Variants in CHURC1 observed in about 807,000 individuals in gnomAD.
CHURC1 encodes churchill domain containing 1.
A neutral mutation model predicts 15.4 loss-of-function variants in CHURC1; 12 were observed. That is an observed-to-expected ratio of 0.78 (90% CI 0.50 to 1.27). The LOEUF is 1.27. Ranked by LOEUF, CHURC1 falls within the 50% of genes most tolerant of loss-of-function variation. CHURC1 has a pLI of 0.00. For synonymous variants in CHURC1, 42 were observed against 47.5 expected (o/e 0.88, Z 0.48); for missense variants, 132 against 137.8 (o/e 0.96, Z 0.21).
At position 64,914,484 on chromosome 14, in the gene CHURC1, G is replaced by A. The variant is rs1050500315; in HGVS notation, c.-12G>A. On this transcript the variant is annotated 5_prime_UTR_variant, in exon 1 of 4. Coordinates refer to ENST00000549115, the MANE Select transcript of CHURC1 (RefSeq NM_001386928.1). Reference sequence around the variant, plus strand: ...GAAGCGTTGGAGGACATTCCCTGTTGACTGCGTCGCGATGTGTGGCGACTG... The same window carrying A: ...GAAGCGTTGGAGGACATTCCCTGTTAACTGCGTCGCGATGTGTGGCGACTG... 1.2e-6 allele frequency: 2 copies of A among 1,614,158 alleles called. No individual in the cohort carries two copies. Among genetic ancestry groups the A allele is most frequent in the African/African-American group, 1.3e-5 (1 of 74,954 alleles).
chr14:64,932,394 T>C lies in CHURC1; in HGVS notation c.*164T>C. 7.2e-7 allele frequency: 1 copy of C among 1,380,360 alleles called. No individual in the cohort carries two copies. The highest frequency in any genetic ancestry group is 1.8e-5 in the South Asian group (1 of 56,988). 85.5% of individuals were successfully genotyped at this position (1,380,360 alleles called of 1,614,324 possible). Reference sequence around the variant, plus strand: ...AAAAGGTAATGTAGGAGCTCATTGTTCTCTAGAGCTGAGCTCTTCTGCTAA... The same window carrying C: ...AAAAGGTAATGTAGGAGCTCATTGTCCTCTAGAGCTGAGCTCTTCTGCTAA... On this transcript the variant is annotated 3_prime_UTR_variant, in exon 4 of 4. Coordinates refer to ENST00000549115, the MANE Select transcript of CHURC1 (RefSeq NM_001386928.1).
At chr14:64,919,722 A>G (rs760828093) in intron 1 of CHURC1, among the ~76,000 whole-genome samples, 12 of 152,004 alleles carry the variant, frequency 7.9e-5, no homozygotes, top group Non-Finnish European at 1.5e-4. Flanking sequence ...GTTTCTACCA[A>G]ACAATGCAAA....
In CHURC1 at chr14:64,925,985, C is replaced by T. The variant is rs201197225; in HGVS notation, c.176-25C>T. The T allele has an allele frequency of 2.9e-5, 44 of 1,537,718 alleles. No homozygotes were observed. The East Asian group carries it at 7.1e-4, about 25-fold the overall frequency. On this transcript the variant is annotated intron_variant, in intron 2 of 3. Transcript: ENST00000549115. Reference sequence around the variant, plus strand: ...TAAGAAACTCTCTAAGACTTAATTACGTAAGTCTCTCTTTGTTTTAGCAGA... The same window carrying T: ...TAAGAAACTCTCTAAGACTTAATTATGTAAGTCTCTCTTTGTTTTAGCAGA...
intron 1 of CHURC1, among the ~76,000 whole-genome samples, chr14:64,918,456 C>T (rs950667733): frequency 6.6e-6 from 1 of 152,174 alleles, no homozygotes; most frequent in Non-Finnish European, 1.5e-5. Context: ...GAAGTCATGA[C>T]CTATTTTTAA....
chr14:64,927,732 T>TCCCCC (rs1566830855), intron 3 of CHURC1, among the ~76,000 whole-genome samples: 26 of 106,630 alleles, frequency 2.4e-4, no homozygotes, highest in Non-Finnish European at 3.6e-4. Context: ...CCCCCCGCCG[T>TCCCCC]CAATTCATAC....
At chr14:64,918,766 G>A (rs1022773764) in intron 1 of CHURC1, among the ~76,000 whole-genome samples, 1 of 152,092 alleles carries the variant, frequency 6.6e-6, no homozygotes, top group African/African-American at 2.4e-5. Flanking sequence ...CCAGGAGTTC[G>A]AGGCTCCAGT....
intron 1 of CHURC1, among the ~76,000 whole-genome samples, chr14:64,922,978 G>A (rs1181788203): frequency 6.6e-6 from 1 of 152,122 alleles, no homozygotes; most frequent in African/African-American, 2.4e-5. Context: ...CCTCTGTTGT[G>A]CTTTGCACAA....
At chr14:64,930,102 G>A (rs1388936419) in intron 3 of CHURC1, among the ~76,000 whole-genome samples, 3 of 149,830 alleles carry the variant, frequency 2.0e-5, no homozygotes, top group African/African-American at 7.4e-5. Flanking sequence ...AGAGAAAAAA[G>A]TAAAGCCCTC....
chr14:64,923,591 T>C (rs547154885), intron 1 of CHURC1, among the ~76,000 whole-genome samples: 1 of 152,226 alleles, frequency 6.6e-6, no homozygotes, highest in Admixed American at 6.5e-5. Flanking sequence ...TCAGTTTCTA[T>C]TTTGATTGAA....
chr14:64,930,747 AC>A lies in CHURC1; in HGVS notation c.247-1390del. ...AACTCAAGTATTTGTTTAGCCTCAC[AC>A]ATTTTCTCTTTTTGACTCTTTACTT... On this transcript the variant is annotated intron_variant, in intron 3 of 3. Transcript: ENST00000549115. The A allele has an allele frequency of 6.9e-6, 3 of 433,250 alleles. No individual in the cohort carries two copies. In the Admixed American group the frequency reaches 8.4e-5, roughly 12 times the overall value. The allele number at this position is 433,250 out of a possible 1,614,324, so 26.8% of individuals were successfully genotyped here.
intron 3 of CHURC1, among the ~76,000 whole-genome samples, chr14:64,928,437 A>G (rs747772713): frequency 6.6e-6 from 1 of 152,046 alleles, no homozygotes; most frequent in Non-Finnish European, 1.5e-5. Flanking sequence ...TTTTGTAGAG[A>G]TGAGATCTCA....
chr14:64,926,195 T>C (rs1594898890), intron 3 of CHURC1, 115 bp downstream of exon 3: 1 of 539,988 alleles, frequency 1.9e-6, no homozygotes, highest in Non-Finnish European at 3.0e-6. Context: ...TTAGCATATA[T>C]TAAAGGAGAC....
Position 64,933,313 on chromosome 14 carries a change from T to C in CHURC1, c.*1083T>C. 1.1e-6 allele frequency: 1 copy of C among 950,406 alleles called. No homozygotes were observed. The highest frequency in any genetic ancestry group is 6.2e-5 in the Admixed American group (1 of 16,244). The allele number at this position is 950,406 out of a possible 1,614,324, so 58.9% of individuals were successfully genotyped here. On this transcript the variant is annotated 3_prime_UTR_variant, in exon 4 of 4. Transcript: ENST00000549115. ...ACCACGAAAAGAAAAAAAGGTCATT[T>C]GGTAGAAACTAGGGAAATCTGAATA...
chr14:64,924,282 AT>A, intron 2 of CHURC1, 156 bp downstream of exon 2: 1 of 818,654 alleles, frequency 1.2e-6, no homozygotes, highest in Non-Finnish European at 1.7e-6. Context: ...TTAACACCTC[AT>A]TTATCTGGGA....
Position 64,933,520 on chromosome 14 carries a change from T to G in CHURC1, c.*1290T>G, listed in dbSNP as rs1204546599. On this transcript the variant is annotated 3_prime_UTR_variant, in exon 4 of 4. Transcript: ENST00000549115. ...AGCAAAGCATTACTCTGGACTTTAT[T>G]GTCCTGTTTCTATCAAATTGGACTA... 1 of 981,470 alleles carries G rather than the reference T, an allele frequency of 1.0e-6. No individual in the cohort carries two copies. The highest frequency in any genetic ancestry group is 1.2e-6 in the Non-Finnish European group (1 of 826,428). 60.8% of individuals were successfully genotyped at this position (981,470 alleles called of 1,614,324 possible).
At chr14:64,931,445 G>A (rs949257301) in intron 3 of CHURC1, among the ~76,000 whole-genome samples, 1 of 151,946 alleles carries the variant, frequency 6.6e-6, no homozygotes, top group African/African-American at 2.4e-5. Context: ...GAGGTGGGAT[G>A]ATCACTTGAG....
At chr14:64,928,067 A>T (rs767240801) in intron 3 of CHURC1, among the ~76,000 whole-genome samples, 1 of 151,950 alleles carries the variant, frequency 6.6e-6, no homozygotes, top group African/African-American at 2.4e-5. Context: ...TGTACACCAT[A>T]CTTAGCATTG....
rs200372223 is a variant in CHURC1, at chr14:64,917,580, C to CA, written c.39+3055dup. ...CTCCGTCTCAAAACAAATAAACAAA[C>CA]AAAAAAAAACCACCACAAATATTAG... On this transcript the variant is annotated intron_variant, in intron 1 of 3. Transcript: ENST00000549115. 8.3e-3 allele frequency among the ~76,000 whole-genome samples: 1,250 copies of CA among 151,266 alleles called. 16 individuals are homozygous for CA. The highest frequency in any genetic ancestry group is 0.028 in the African/African-American group (1,153 of 41,256).
rs1476539451 is a variant in CHURC1 at position 64,934,989 on chromosome 14, CCCAGTTTCACAGAAT to C, written c.*2762_*2776del. Reference sequence around the variant, plus strand: ...GTGGATCTAATAACGACCACTTGAACCCAGTTTCACAGAATCCTTATTTTTCTGTTCAAATTAGGA... The same window carrying C: ...GTGGATCTAATAACGACCACTTGAACCCTTATTTTTCTGTTCAAATTAGGA... On this transcript the variant is annotated 3_prime_UTR_variant, in exon 4 of 4. Coordinates refer to ENST00000549115, the MANE Select transcript of CHURC1 (RefSeq NM_001386928.1). 2 of 984,098 alleles carry C rather than the reference CCCAGTTTCACAGAAT, an allele frequency of 2.0e-6. No individual in the cohort carries two copies. Among genetic ancestry groups the C allele is most frequent in the Non-Finnish European group, 2.4e-6 (2 of 828,948 alleles). The allele number at this position is 984,098 out of a possible 1,614,324, so 61.0% of individuals were successfully genotyped here. A position where few individuals can be genotyped will look rare whatever the true frequency, so the allele number is the denominator to read the frequency against.
Sources: allele counts gnomAD v4.1 joint callset (sites outside exome capture counted in the v4.1 genomes callset), GRCh38; gene constraint gnomAD v4.1.1; transcripts MANE v1.5; gene names NCBI Gene and HGNC (gene_info 2026-07-23, HGNC 2026-07-21).